Variants in XYLT1 observed in about 807,000 individuals in gnomAD.
The protein encoded by XYLT1 is xylosyltransferase 1.
In XYLT1, 36 loss-of-function variants were observed where a neutral mutation model predicts 91.3. That is an observed-to-expected ratio of 0.39 (90% confidence interval 0.30 to 0.52). The LOEUF is 0.52. Ranked by LOEUF, XYLT1 falls within the 20% of genes least tolerant of loss-of-function variation. XYLT1 has a pLI of 0.68. For synonymous variants in XYLT1, 588 were observed against 532.0 expected (o/e 1.11, Z -1.45); for missense variants, 1,242 against 1,284.5 (o/e 0.97, Z 0.51).
chr16:17,433,038 C>T (rs1337947781), intron 1 of XYLT1, among the ~76,000 whole-genome samples: 1 of 152,178 alleles, frequency 6.6e-6, no homozygotes, highest in African/African-American at 2.4e-5. Flanking sequence ...CCAGGAGCTT[C>T]CAAAGACCTA....
chr16:17,119,588 A>C (rs2029976349), intron 10 of XYLT1, among the ~76,000 whole-genome samples: 1 of 152,220 alleles, frequency 6.6e-6, no homozygotes, highest in Non-Finnish European at 1.5e-5. Context: ...TTCTTTACCC[A>C]GCTTACAGAG....
At chr16:17,290,267 C>T (rs12447875) in intron 2 of XYLT1, among the ~76,000 whole-genome samples, 15,223 of 152,316 alleles carry the variant, frequency 0.1, 1,001 homozygotes, top group Middle Eastern at 0.2. Context: ...TTTTTAACAA[C>T]TTTCTAAGTA....
At chr16:17,219,634 C>T (rs2032929424) in intron 3 of XYLT1, among the ~76,000 whole-genome samples, 1 of 152,106 alleles carries the variant, frequency 6.6e-6, no homozygotes, top group Non-Finnish European at 1.5e-5. Flanking sequence ...CCTGAGAATA[C>T]TTTTCTTTTC....
intron 10 of XYLT1, among the ~76,000 whole-genome samples, chr16:17,126,398 G>A (rs74010710): frequency 0.053 from 7,998 of 152,184 alleles, 690 homozygotes; most frequent in African/African-American, 0.18. Flanking sequence ...GTATCTAATT[G>A]CCCCCTGATG....
intron 5 of XYLT1, among the ~76,000 whole-genome samples, chr16:17,159,293 C>T (rs1018966962): frequency 6.6e-6 from 1 of 152,122 alleles, no homozygotes; most frequent in African/African-American, 2.4e-5. Flanking sequence ...GAAATTTCTC[C>T]CAGTATTGCT....
At chr16:17,204,544 G>A (rs927149556) in intron 3 of XYLT1, among the ~76,000 whole-genome samples, 1 of 151,916 alleles carries the variant, frequency 6.6e-6, no homozygotes, top group Non-Finnish European at 1.5e-5. Flanking sequence ...ATAGAGATGC[G>A]GATGGGGATG....
chr16:17,458,482 C>A (rs766809179), intron 1 of XYLT1, among the ~76,000 whole-genome samples: 12 of 152,146 alleles, frequency 7.9e-5, no homozygotes, highest in Non-Finnish European at 1.5e-4. Context: ...ACTGTGGGAG[C>A]AATGCAGACA....
chr16:17,332,948 T>C (rs1472328845), intron 2 of XYLT1, among the ~76,000 whole-genome samples: 1 of 152,072 alleles, frequency 6.6e-6, no homozygotes, highest in Middle Eastern at 3.2e-3. Flanking sequence ...GGCAGAGTGT[T>C]TGCAAACCCA....
chr16:17,112,130 A>G (rs1966842708), intron 11 of XYLT1, among the ~76,000 whole-genome samples: 2 of 152,098 alleles, frequency 1.3e-5, no homozygotes, highest in Non-Finnish European at 2.9e-5. Flanking sequence ...ATGCAAAAAA[A>G]CCCTTATGAG....
intron 5 of XYLT1, among the ~76,000 whole-genome samples, chr16:17,191,828 G>T (rs1392569103): frequency 6.6e-6 from 1 of 152,228 alleles, no homozygotes; most frequent in Admixed American, 6.5e-5. Context: ...TGTCCATGTG[G>T]TGGGCCCTGA....
chr16:17,154,568 G>C (rs761959563), intron 6 of XYLT1, among the ~76,000 whole-genome samples: 1 of 152,102 alleles, frequency 6.6e-6, no homozygotes, highest in Non-Finnish European at 1.5e-5. Context: ...GTAAACATGC[G>C]GCCACCTGCT....
intron 6 of XYLT1, among the ~76,000 whole-genome samples, chr16:17,142,383 T>C (rs1012229725): frequency 1.3e-5 from 2 of 151,470 alleles, no homozygotes; most frequent in African/African-American, 2.4e-5. Flanking sequence ...GTTTCTTTAT[T>C]AATACATTAA....
At chr16:17,326,833 A>C (rs1204175408) in intron 2 of XYLT1, among the ~76,000 whole-genome samples, 1 of 151,764 alleles carries the variant, frequency 6.6e-6, no homozygotes, top group African/African-American at 2.4e-5. Flanking sequence ...TCAAAAACAA[A>C]AAAAAACAAA....
chr16:17,266,667 G>A (rs971505589), intron 2 of XYLT1, among the ~76,000 whole-genome samples: 27 of 152,272 alleles, frequency 1.8e-4, no homozygotes, highest in African/African-American at 5.8e-4. Context: ...GAGGGCGCCT[G>A]GCCCACCCGC....
chr16:17,406,927 T>C (rs1486568880), intron 1 of XYLT1, among the ~76,000 whole-genome samples: 1 of 152,204 alleles, frequency 6.6e-6, no homozygotes, highest in African/African-American at 2.4e-5. Context: ...AGTATGTCTC[T>C]TCCCACAGGG....
chr16:17,126,227 TG>T (rs1435658564), intron 10 of XYLT1, among the ~76,000 whole-genome samples: 1 of 152,222 alleles, frequency 6.6e-6, no homozygotes, highest in Non-Finnish European at 1.5e-5. Context: ...GCACTAGCCA[TG>T]GAGCGGCCAA....
intron 1 of XYLT1, among the ~76,000 whole-genome samples, chr16:17,378,788 T>C (rs2035634599): frequency 6.6e-6 from 1 of 152,192 alleles, no homozygotes; most frequent in South Asian, 2.1e-4. Context: ...GAGGCTGAGC[T>C]GGGGTTAGAA....
At chr16:17,195,441 T>C (rs577897296) in intron 5 of XYLT1, among the ~76,000 whole-genome samples, 1 of 152,166 alleles carries the variant, frequency 6.6e-6, no homozygotes, top group South Asian at 2.1e-4. Context: ...TTTTGTTGTT[T>C]TTTGTTTGTT....
At chr16:17,306,346 T>A (rs980045282) in intron 2 of XYLT1, among the ~76,000 whole-genome samples, 1 of 152,108 alleles carries the variant, frequency 6.6e-6, no homozygotes, top group Non-Finnish European at 1.5e-5. Context: ...TATACTGACT[T>A]TGAAGCCTTA....
Sources: allele counts gnomAD v4.1 joint callset (sites outside exome capture counted in the v4.1 genomes callset), GRCh38; gene constraint gnomAD v4.1.1; transcripts MANE v1.5; gene names NCBI Gene and HGNC (gene_info 2026-07-23, HGNC 2026-07-21).